The following HIPK1 variants were observed in gnomAD, a reference collection of about 807,000 sequenced individuals.
HIPK1 encodes the protein homeodomain interacting protein kinase 1.
In HIPK1, 28 loss-of-function variants were observed where a neutral mutation model predicts 117.1. The ratio of observed to expected loss-of-function variants is 0.24; its 90% CI spans 0.18 to 0.33. The LOEUF is 0.33. Among genes scored for constraint, HIPK1 ranks in the 10% least tolerant of loss-of-function variants. HIPK1 has a pLI of 1.00. For missense variants in HIPK1, 1,122 were observed against 1,475.1 expected (o/e 0.76, Z 3.92); for synonymous variants, 605 against 562.5 (o/e 1.08, Z -1.07).
Position 113,977,464 on chromosome 1 carries a change from G to A in HIPK1, c.*3952G>A, listed in dbSNP as rs1673196289. 6.5e-6 allele frequency: 1 copy of A among 152,682 alleles called. No individual in the cohort carries two copies. The highest frequency in any genetic ancestry group is 1.5e-5 in the Non-Finnish European group (1 of 68,026). The allele number at this position is 152,682 out of a possible 1,614,324, so 9.5% of individuals were successfully genotyped here. A position where few individuals can be genotyped will look rare whatever the true frequency, so the allele number is the denominator to read the frequency against. On this transcript the variant is annotated 3_prime_UTR_variant, in exon 16 of 16. Coordinates refer to ENST00000426820, the MANE Select transcript of HIPK1 (RefSeq NM_198268.3). Reference sequence around the variant, plus strand: ...ATTTGATATGCTAGTTATTGTGTGCGATTTAAACTTTTTTTGCTTTCTCCC... The same window carrying A: ...ATTTGATATGCTAGTTATTGTGTGCAATTTAAACTTTTTTTGCTTTCTCCC...
chr1:113,955,713 A>T, intron 5 of HIPK1, 64 bp downstream of exon 5: 1 of 826,972 alleles, frequency 1.2e-6, no homozygotes, highest in African/African-American at 1.7e-5. Flanking sequence ...TCTGTTGATT[A>T]TACTAAAGAC....
chr1:113,957,324 G>A, intron 7 of HIPK1, 38 bp downstream of exon 7: 1 of 1,540,544 alleles, frequency 6.5e-7, no homozygotes. Context: ...AAGCTTAAGT[G>A]GGATAGAAAC....
intron 1 of HIPK1, among the ~76,000 whole-genome samples, chr1:113,931,259 A>G (rs1188920765): frequency 1.3e-5 from 2 of 149,630 alleles, no homozygotes; most frequent in African/African-American, 4.9e-5. Flanking sequence ...AAAACATTTT[A>G]AAATCTAACA....
intron 1 of HIPK1, 116 bp downstream of exon 1, chr1:113,929,648 G>C (rs887888550): frequency 1.5e-5 from 15 of 1,009,896 alleles, no homozygotes; most frequent in Non-Finnish European, 1.8e-5. Flanking sequence ...CGGCTGCGGA[G>C]CAAGGGGCCC....
At chr1:113,956,960 A>G in intron 6 of HIPK1, 149 bp downstream of exon 6, 1 of 904,764 alleles carries the variant, frequency 1.1e-6, no homozygotes, top group South Asian at 1.6e-5. Context: ...ATCATAAGAT[A>G]AAAATTAGAT....
intron 2 of HIPK1, among the ~76,000 whole-genome samples, chr1:113,945,692 C>T (rs960530595): frequency 6.6e-6 from 1 of 152,122 alleles, no homozygotes; most frequent in Non-Finnish European, 1.5e-5. Flanking sequence ...ATGTTGGGCT[C>T]TCTATTCCAT....
rs977810005 is a variant in HIPK1 at position 113,941,512 on chromosome 1, T to G, written c.1076+53T>G. ...CTTAGGCTAGAGTTCTGTCCTTATA[T>G]TTAACATATACCCCGTAGGCTACAT... On this transcript the variant is annotated intron_variant, in intron 2 of 15. Transcript: ENST00000426820. This position sits in a 1 kb window ranked among gnomAD's most constrained non-coding sequence, Gnocchi z 4.9. The G allele has an allele frequency of 5.9e-5, 80 of 1,354,618 alleles. No homozygotes were observed. Among genetic ancestry groups the G allele is most frequent in the Non-Finnish European group, 7.4e-5 (72 of 968,542 alleles). The allele number at this position is 1,354,618 out of a possible 1,614,324, so 83.9% of individuals were successfully genotyped here.
chr1:113,955,502 T>G, intron 4 of HIPK1, 61 bp from the exon 5 acceptor site: 2 of 1,051,256 alleles, frequency 1.9e-6, no homozygotes, highest in Non-Finnish European at 2.9e-6. Context: ...GCTTTGGTTT[T>G]GAATAAAATG....
intron 2 of HIPK1, among the ~76,000 whole-genome samples, chr1:113,948,808 G>T (rs1215902792): frequency 6.6e-6 from 1 of 151,820 alleles, no homozygotes; most frequent in Non-Finnish European, 1.5e-5. Context: ...AAAACTTTAA[G>T]CTCGAGACAG....
intron 5 of HIPK1, 81 bp from the exon 6 acceptor site, chr1:113,956,546 A>C: frequency 1.1e-6 from 1 of 938,042 alleles, no homozygotes; most frequent in South Asian, 1.6e-5. Context: ...ACACACACAC[A>C]TAGTTTGGAG....
intron 2 of HIPK1, among the ~76,000 whole-genome samples, chr1:113,942,853 T>A (rs1427466440): frequency 6.6e-6 from 1 of 152,150 alleles, no homozygotes; most frequent in Non-Finnish European, 1.5e-5. Flanking sequence ...TGGCCATACA[T>A]TAAATACAAA....
Position 113,963,437 on chromosome 1 carries a change from C to G in HIPK1, c.2154C>G (p.Thr718=). 1.2e-6 allele frequency: 2 copies of G among 1,614,190 alleles called. No homozygotes were observed. The highest frequency in any genetic ancestry group is 1.7e-6 in the Non-Finnish European group (2 of 1,180,012). Residue 718 remains threonine, a synonymous_variant, in exon 10 of 16, where the codon ACC becomes ACG. Coordinates refer to ENST00000426820, the MANE Select transcript of HIPK1 (RefSeq NM_198268.3). ...CAACTCTCCACCCTCAAGTAGCCAC[C>G]ATCACACCGCAGTATGCGGTGCCCT... ...MVATLHPQVA[T]ITPQYAVPFT...
At position 113,970,277 on chromosome 1, in the gene HIPK1, A is replaced by G. The variant is rs1170171063; in HGVS notation, c.3013+80A>G. 11 of 1,487,520 alleles carry G rather than the reference A, an allele frequency of 7.4e-6. No individual in the cohort carries two copies. In the Admixed American group the frequency reaches 1.7e-4, roughly 23 times the overall value. 92.1% of individuals were successfully genotyped at this position (1,487,520 alleles called of 1,614,324 possible). A position where few individuals can be genotyped will look rare whatever the true frequency, so the allele number is the denominator to read the frequency against. ...AAATATTTTGCCATAATCCACTTATATCAGTGGTAGAGACCAGTGGTGTAG... is the reference window on the plus strand; with the variant it reads ...AAATATTTTGCCATAATCCACTTATGTCAGTGGTAGAGACCAGTGGTGTAG... On this transcript the variant is annotated intron_variant, in intron 14 of 15. Transcript: ENST00000426820.
intron 15 of HIPK1, 144 bp downstream of exon 15, chr1:113,972,098 T>A: frequency 1.3e-6 from 2 of 1,597,878 alleles, no homozygotes; most frequent in Non-Finnish European, 1.7e-6. Context: ...GCTTACGTCG[T>A]ACCGCATATG....
chr1:113,970,537 A>G (rs965022147), intron 14 of HIPK1, among the ~76,000 whole-genome samples: 4 of 152,252 alleles, frequency 2.6e-5, no homozygotes, highest in African/African-American at 4.8e-5. Flanking sequence ...GGCAATTGAG[A>G]TGTAGACAGG....
At chr1:113,958,401 A>T in intron 8 of HIPK1, 110 bp downstream of exon 8, 1 of 734,514 alleles carries the variant, frequency 1.4e-6, no homozygotes, top group South Asian at 2.0e-5. Context: ...GTCTCTGATG[A>T]AGAAGGTAAC....
Position 113,929,455 on chromosome 1 carries a change from T to A in HIPK1, c.-80T>A. The A allele has an allele frequency of 7.8e-7, 1 of 1,289,226 alleles. No individual in the cohort carries two copies. The highest frequency in any genetic ancestry group is 1.0e-6 in the Non-Finnish European group (1 of 988,806). The allele number at this position is 1,289,226 out of a possible 1,614,324, so 79.9% of individuals were successfully genotyped here. Reference sequence around the variant, plus strand: ...TGGCTCCCTACGGAGGCCCACCTACTCGAGGCCCACCGACTCCTACTGCAA... The same window carrying A: ...TGGCTCCCTACGGAGGCCCACCTACACGAGGCCCACCGACTCCTACTGCAA... On this transcript the variant is annotated 5_prime_UTR_variant, in exon 1 of 16. Coordinates refer to ENST00000426820, the MANE Select transcript of HIPK1 (RefSeq NM_198268.3).
At chr1:113,935,718 G>T (rs1480274366) in intron 1 of HIPK1, among the ~76,000 whole-genome samples, 1 of 152,080 alleles carries the variant, frequency 6.6e-6, no homozygotes, top group African/African-American at 2.4e-5. Flanking sequence ...TATTCATTCT[G>T]ACTGGTGTGA....
chr1:113,937,196 A>C (rs970229822), intron 1 of HIPK1, among the ~76,000 whole-genome samples: 1 of 152,210 alleles, frequency 6.6e-6, no homozygotes, highest in East Asian at 1.9e-4. Context: ...GGAAACTCTT[A>C]AAGTAAATCT....
Sources: gnomAD v4.1 joint callset for allele counts (sites outside exome capture counted in the v4.1 genomes callset) on GRCh38, gnomAD v4.1.1 for gene constraint, Gnocchi (gnomAD v3.1) non-coding constraint, MANE v1.5 for transcripts, NCBI Gene and HGNC (gene_info 2026-07-23, HGNC 2026-07-21) for gene names.